TAS1R3: variants seen among roughly 807,000 people sequenced by gnomAD.
The protein encoded by TAS1R3 is taste 1 receptor member 3, also known as taste receptor type 1 member 3.
Under a neutral mutation model 46.1 loss-of-function variants are expected in TAS1R3, and 58 were observed. The observed-to-expected ratio is 1.26, with a 90% confidence interval of 1.02 to 1.57. TAS1R3 has a LOEUF of 1.57. TAS1R3 is among the 40% of genes most tolerant of loss of function. The pLI, the probability that TAS1R3 is intolerant of heterozygous loss-of-function variation, is 0.00. For missense variants in TAS1R3, 1,422 were observed against 1,185.8 expected (o/e 1.20, Z -2.93); for synonymous variants, 724 against 544.7 (o/e 1.33, Z -4.58).
Position 1,331,829 on chromosome 1 carries a change from A to C in TAS1R3, c.383A>C (p.Tyr128Ser). 1 of 1,612,832 alleles carries C rather than the reference A, an allele frequency of 6.2e-7. No homozygotes were observed. The highest frequency in any genetic ancestry group is 1.1e-5 in the South Asian group (1 of 91,084). Reference sequence around the variant, plus strand: ...GCAGGCAGCCGCGACATCGCCGCCTACTGCAACTACACGCAGTACCAGCCC... The same window carrying C: ...GCAGGCAGCCGCGACATCGCCGCCTCCTGCAACTACACGCAGTACCAGCCC... ...AKAGSRDIAA[Y>S]CNYTQYQPRV... The change falls in exon 2 of 6, where the codon TAC becomes TCC. Residue 128 changes from tyrosine (Y) to serine (S), a missense_variant. Tyr to Ser is a moderately radical substitution (Grantham distance 144, BLOSUM62 -2). Transcript: ENST00000339381.
Position 1,332,971 on chromosome 1 carries a change from G to A in TAS1R3, c.1326G>A (p.Leu442=), listed in dbSNP as rs1305784500. 1.1e-5 allele frequency: 18 copies of A among 1,612,218 alleles called. 1 individual carries two copies. In the East Asian group the frequency reaches 3.6e-4, roughly 32 times the overall value. The change falls in exon 4 of 6, where the codon CTG becomes CTA. Residue 442 remains leucine (L), a synonymous_variant. Transcript: ENST00000339381. ...CCTTCCACGTGGGCGGGCTGCCGCT[G>A]CGGTTCGACAGCAGCGGAAACGTGG... ...NLTFHVGGLP[L]RFDSSGNVDM...
Position 1,332,920 on chromosome 1 carries a change from G to A in TAS1R3, c.1276-1G>A, listed in dbSNP as rs762322437. ...GGCTCAGCCCCGTCCCCCGCCCGCA[G>A]CTCCTGGAGAACATGTACAACCTGA... is the stretch of plus-strand genomic sequence containing the variant. On this transcript the variant is annotated splice_acceptor_variant, in intron 3 of 5. Coordinates refer to ENST00000339381, the MANE Select transcript of TAS1R3 (RefSeq NM_152228.3). LOFTEE classifies it high-confidence loss of function. The A allele has an allele frequency of 1.4e-5, 23 of 1,604,672 alleles. No homozygotes were observed. The South Asian group carries it at 2.4e-4, about 17-fold the overall frequency.
chr1:1,332,033 G>A lies in TAS1R3; in HGVS notation c.502G>A (p.Gly168Ser), dbSNP rs746009905. 5.2e-6 allele frequency: 8 copies of A among 1,533,164 alleles called. No homozygotes were observed. Among genetic ancestry groups the A allele is most frequent in the East Asian group, 5.2e-5 (2 of 38,820 alleles). 95.0% of individuals were successfully genotyped at this position (1,533,164 alleles called of 1,614,324 possible). A position where few individuals can be genotyped will look rare whatever the true frequency, so the allele number is the denominator to read the frequency against. ...CTCTTGGCCCTTGCAGGTCAGCTAC[G>A]GTGCTAGCATGGAGCTGCTGAGCGC... is the stretch of plus-strand genomic sequence containing the variant. ...SFFLMPQVSY[G>S]ASMELLSARE... The change falls in exon 3 of 6, where the codon GGT becomes AGT. Residue 168 changes from glycine (G) to serine (S), a missense_variant. Physicochemically the swap from Gly to Ser is moderately conservative, Grantham distance 56 (BLOSUM62 0). Coordinates refer to ENST00000339381, the MANE Select transcript of TAS1R3 (RefSeq NM_152228.3).
In TAS1R3 at chr1:1,332,606, C is replaced by T; in HGVS notation, c.1075C>T (p.Gln359Ter). The T allele has an allele frequency of 6.2e-7, 1 of 1,610,866 alleles. No individual in the cohort carries two copies. Among genetic ancestry groups the T allele is most frequent in the East Asian group, 2.2e-5 (1 of 44,872 alleles). Reference sequence around the variant, plus strand: ...CTGCTCTGCCCTGGGCGAGAGGGAGCAGGGTCTGGAGGAGGACGTGGTGGG... The same window carrying T: ...CTGCTCTGCCCTGGGCGAGAGGGAGTAGGGTCTGGAGGAGGACGTGGTGGG... ...AFCSALGERE[Q>*]GLEEDVVGQR... Residue 359 changes from glutamine (Q) to a stop codon, truncating the protein, a stop_gained, in exon 3 of 6, where the codon CAG (glutamine) becomes TAG (stop). Coordinates refer to ENST00000339381, the MANE Select transcript of TAS1R3 (RefSeq NM_152228.3). LOFTEE classifies it high-confidence loss of function.
In TAS1R3 at chr1:1,335,174, C is replaced by T. The variant is rs1214000619; in HGVS notation, c.*710C>T. 6.6e-6 allele frequency: 1 copy of T among 152,352 alleles called. No homozygotes were observed. The highest frequency in any genetic ancestry group is 1.5e-5 in the Non-Finnish European group (1 of 68,124). The allele number at this position is 152,352 out of a possible 1,614,324, so 9.4% of individuals were successfully genotyped here. A position where few individuals can be genotyped will look rare whatever the true frequency, so the allele number is the denominator to read the frequency against. On this transcript the variant is annotated 3_prime_UTR_variant, in exon 6 of 6. Transcript: ENST00000339381. Reference sequence around the variant, plus strand: ...CCCACACAGGGTCTCCGGTCAGAGTCCCAGGGTCAGCTCCCAGCAGGGCCT... The same window carrying T: ...CCCACACAGGGTCTCCGGTCAGAGTTCCAGGGTCAGCTCCCAGCAGGGCCT...
chr1:1,334,358 T>G lies in TAS1R3; in HGVS notation c.2453T>G (p.Met818Arg). The change falls in exon 6 of 6, where the codon ATG becomes AGG. Residue 818 changes from methionine to arginine, a missense_variant. Transcript: ENST00000339381. ...CACCTGCCCAGGTGTTACCTGCTCA[T>G]GCGGCAGCCAGGGCTCAACACCCCC... ...AFHLPRCYLL[M>R]RQPGLNTPEF... The G allele has an allele frequency of 1.9e-6, 3 of 1,611,172 alleles. No individual in the cohort carries two copies. The highest frequency in any genetic ancestry group is 2.2e-5 in the East Asian group (1 of 44,750).
chr1:1,334,715 C>G lies in TAS1R3; in HGVS notation c.*251C>G, dbSNP rs1643517219. On this transcript the variant is annotated 3_prime_UTR_variant, in exon 6 of 6. Coordinates refer to ENST00000339381, the MANE Select transcript of TAS1R3 (RefSeq NM_152228.3). ...ACCAGGCCTGCCCAGGTAACCCAGA[C>G]CCACTGTTCTGGAAAGAGGCCCGGA... 4.1e-6 allele frequency: 2 copies of G among 483,728 alleles called. No individual in the cohort carries two copies. The highest frequency in any genetic ancestry group is 7.5e-5 in the Admixed American group (2 of 26,652). 30.0% of individuals were successfully genotyped at this position (483,728 alleles called of 1,614,324 possible).
In TAS1R3 at chr1:1,331,821, C is replaced by CG. The variant is rs1643433720; in HGVS notation, c.376dup (p.Ala126GlyfsTer45). The CG allele has an allele frequency of 1.2e-6, 2 of 1,612,724 alleles. No individual in the cohort carries two copies. Among genetic ancestry groups the CG allele is most frequent in the African/African-American group, 2.7e-5 (2 of 74,948 alleles). ...TGGCCAAGGCAGGCAGCCGCGACATCGCCGCCTACTGCAACTACACGCAGT... is the reference window on the plus strand; with the variant it reads ...TGGCCAAGGCAGGCAGCCGCGACATCGGCCGCCTACTGCAACTACACGCAGT... On this transcript the variant is annotated frameshift_variant, in exon 2 of 6. Coordinates refer to ENST00000339381, the MANE Select transcript of TAS1R3 (RefSeq NM_152228.3). LOFTEE classifies it high-confidence loss of function.
At position 1,331,843 on chromosome 1, in the gene TAS1R3, C is replaced by T. The variant is rs749716403; in HGVS notation, c.397C>T (p.Gln133Ter). Residue 133 changes from glutamine (Q) to a stop codon, truncating the protein, a stop_gained, in exon 2 of 6, where the codon CAG (glutamine) becomes TAG (stop). Transcript: ENST00000339381. LOFTEE classifies it high-confidence loss of function. ...RDIAAYCNYT[Q>*]YQPRVLAVIG... ...CATCGCCGCCTACTGCAACTACACGCAGTACCAGCCCCGTGTGCTGGCTGT... is the reference window on the plus strand; with the variant it reads ...CATCGCCGCCTACTGCAACTACACGTAGTACCAGCCCCGTGTGCTGGCTGT... 11 of 1,612,934 alleles carry T rather than the reference C, an allele frequency of 6.8e-6. No individual in the cohort carries two copies. Among genetic ancestry groups the T allele is most frequent in the Non-Finnish European group, 9.3e-6 (11 of 1,180,034 alleles).
At position 1,331,765 on chromosome 1, in the gene TAS1R3, G is replaced by A. The variant is rs542570836; in HGVS notation, c.319G>A (p.Val107Met). Residue 107 changes from valine to methionine, a missense_variant, in exon 2 of 6, where the codon GTG (valine) becomes ATG (methionine). Coordinates refer to ENST00000339381, the MANE Select transcript of TAS1R3 (RefSeq NM_152228.3). ...CCTCTTTGATACGTGCTCGGAGCCT[G>A]TGGTGGCCATGAAGCCCAGCCTCAT... Reference protein sequence around the residue: ...YDLFDTCSEPVVAMKPSLMFL... With the variant: ...YDLFDTCSEPMVAMKPSLMFL... 13 of 1,612,898 alleles carry A rather than the reference G, an allele frequency of 8.1e-6. No homozygotes were observed. In the East Asian group the frequency reaches 2.0e-4, roughly 25 times the overall value.
At chr1:1,333,227 C>A (rs758150329) in intron 4 of TAS1R3, 32 bp from the exon 5 acceptor site, 2 of 1,595,458 alleles carry the variant, frequency 1.3e-6, no homozygotes, top group Admixed American at 1.7e-5. Context: ...CATGCCCAGC[C>A]GAGCAGAGCC....
chr1:1,334,367 C>T lies in TAS1R3; in HGVS notation c.2462C>T (p.Pro821Leu). The change falls in exon 6 of 6, where the codon CCA (proline) becomes CTA (leucine). Residue 821 changes from proline to leucine, a missense_variant. Pro to Leu is a moderately conservative substitution (Grantham distance 98, BLOSUM62 -3). Transcript: ENST00000339381. The stretch of plus-strand genomic sequence containing the variant: ...AGGTGTTACCTGCTCATGCGGCAGC[C>T]AGGGCTCAACACCCCCGAGTTCTTC... ...LPRCYLLMRQ[P>L]GLNTPEFFLG... is the part of the protein sequence containing the mutation. The T allele has an allele frequency of 1.2e-6, 2 of 1,610,660 alleles. No individual in the cohort carries two copies. Among genetic ancestry groups the T allele is most frequent in the African/African-American group, 1.3e-5 (1 of 74,854 alleles).
rs112507608 is a variant in TAS1R3 at position 1,334,108 on chromosome 1, G to A, written c.2203G>A (p.Ala735Thr). ...CTGGGTCAGCTTCGGCCTAGCGCAC[G>A]CCACCAATGCCACGCTGGCCTTTCT... The part of the protein sequence containing the change: ...RSWVSFGLAH[A>T]TNATLAFLCF... Residue 735 changes from alanine to threonine, a missense_variant, in exon 6 of 6, where the codon GCC (alanine) becomes ACC (threonine). Coordinates refer to ENST00000339381, the MANE Select transcript of TAS1R3 (RefSeq NM_152228.3). 0.011 allele frequency: 17,391 copies of A among 1,579,936 alleles called. 1,691 individuals are homozygous for A. The African/African-American group carries it at 0.21, about 19-fold the overall frequency.
chr1:1,334,293 C>T lies in TAS1R3; in HGVS notation c.2388C>T (p.Gly796=), dbSNP rs771399309. The part of the protein sequence containing the change: ...QVVLRPAVQM[G]ALLLCVLGIL... ...TCCTCAGGCCCGCCGTGCAGATGGGCGCCCTCCTGCTCTGTGTCCTGGGCA... is the reference window on the plus strand; with the variant it reads ...TCCTCAGGCCCGCCGTGCAGATGGGTGCCCTCCTGCTCTGTGTCCTGGGCA... Residue 796 remains glycine (G), a synonymous_variant, in exon 6 of 6, where the codon GGC becomes GGT. Transcript: ENST00000339381. 19 of 1,611,570 alleles carry T rather than the reference C, an allele frequency of 1.2e-5. No individual in the cohort carries two copies. The highest frequency in any genetic ancestry group is 2.2e-5 in the East Asian group (1 of 44,850).
Position 1,333,178 on chromosome 1 carries a change from C to T in TAS1R3, c.1479+54C>T, listed in dbSNP as rs949397457. 27 of 1,592,242 alleles carry T rather than the reference C, an allele frequency of 1.7e-5. No individual in the cohort carries two copies. In the East Asian group the frequency reaches 3.2e-4, roughly 19 times the overall value. ...GCCCGTGGTAGCCCCCGCGGCAGGG[C>T]GCAGCCTGGGGGTGGGGGCCGTTCC... On this transcript the variant is annotated intron_variant, in intron 4 of 5. Transcript: ENST00000339381.
Position 1,331,496 on chromosome 1 carries a change from C to T in TAS1R3, c.151C>T (p.Leu51Phe), listed in dbSNP as rs758845008. 52 of 1,605,460 alleles carry T rather than the reference C, an allele frequency of 3.2e-5. No homozygotes were observed. The South Asian group carries it at 4.4e-4, about 14-fold the overall frequency. Residue 51 changes from leucine to phenylalanine, a missense_variant, in exon 1 of 6, where the codon CTC becomes TTC. Transcript: ENST00000339381. ...CCTGGGCGAGGCCGAGGAGGCTGGC[C>T]TCCGCAGCCGGACACGGCCCAGCAG... ...FPLGEAEEAGLRSRTRPSSPV... is the reference protein window; with the variant it reads ...FPLGEAEEAGFRSRTRPSSPV...
In TAS1R3 at chr1:1,332,369, G is replaced by A. The variant is rs775438703; in HGVS notation, c.838G>A (p.Ala280Thr). Residue 280 changes from alanine to threonine, a missense_variant, in exon 3 of 6, where the codon GCC becomes ACC. Coordinates refer to ENST00000339381, the MANE Select transcript of TAS1R3 (RefSeq NM_152228.3). Reference protein sequence around the residue: ...VVLLFASVHAAHALFNYSISS... With the variant: ...VVLLFASVHATHALFNYSISS... The stretch of plus-strand genomic sequence containing the variant: ...GCTGCTGTTCGCCTCCGTGCACGCC[G>A]CCCACGCCCTCTTCAACTACAGCAT... 38 of 1,599,214 alleles carry A rather than the reference G, an allele frequency of 2.4e-5. No homozygotes were observed. Among genetic ancestry groups the A allele is most frequent in the Non-Finnish European group, 2.8e-5 (33 of 1,174,332 alleles).
At position 1,332,557 on chromosome 1, in the gene TAS1R3, G is replaced by C. The variant is rs1362489582; in HGVS notation, c.1026G>C (p.Leu342=). The change falls in exon 3 of 6, where the codon CTG becomes CTC. Residue 342 remains leucine (L), a synonymous_variant. Coordinates refer to ENST00000339381, the MANE Select transcript of TAS1R3 (RefSeq NM_152228.3). The stretch of plus-strand genomic sequence containing the variant: ...TCCCCCAGTACGTGAAGACGCACCT[G>C]GCCCTGGCCACCGACCCGGCCTTCT... The part of the protein sequence containing the change: ...HEFPQYVKTH[L]ALATDPAFCS... The C allele has an allele frequency of 1.9e-6, 3 of 1,611,770 alleles. No homozygotes were observed. Among genetic ancestry groups the C allele is most frequent in the African/African-American group, 2.7e-5 (2 of 75,058 alleles).
At position 1,333,718 on chromosome 1, in the gene TAS1R3, C is replaced by A. The variant is rs537648881; in HGVS notation, c.1813C>A (p.Pro605Thr). ...DSPLVQASGG[P>T]LACFGLVCLG... ...CCCACTGGTTCAGGCCTCGGGGGGG[C>A]CCCTGGCCTGCTTTGGCCTGGTGTG... Residue 605 changes from proline to threonine, a missense_variant, in exon 6 of 6, where the codon CCC (proline) becomes ACC (threonine). Transcript: ENST00000339381. The A allele has an allele frequency of 1.2e-6, 2 of 1,607,666 alleles. No homozygotes were observed. Among genetic ancestry groups the A allele is most frequent in the East Asian group, 2.2e-5 (1 of 44,774 alleles).
Sources: allele counts gnomAD v4.1 joint callset, GRCh38; gene constraint gnomAD v4.1.1; transcripts MANE v1.5; gene names NCBI Gene and HGNC (gene_info 2026-07-23, HGNC 2026-07-21).